CACNA1A: variants seen among roughly 807,000 people sequenced by gnomAD.
CACNA1A encodes calcium voltage-gated channel subunit alpha1 A.
Under a neutral mutation model 262.4 loss-of-function variants are expected in CACNA1A, and 57 were observed. The ratio of observed to expected loss-of-function variants is 0.22; its 90% CI spans 0.18 to 0.27. CACNA1A has a LOEUF of 0.27. Ranked by LOEUF, CACNA1A falls within the 10% of genes least tolerant of loss-of-function variation. The probability of loss-of-function intolerance (pLI) is 1.00; values close to 1 mark genes in which losing one functional copy is unlikely to be tolerated. For synonymous variants in CACNA1A, 1,431 were observed against 1,419.3 expected, an observed-to-expected ratio of 1.01 and a Z score of -0.18; for missense variants, 2,526 against 3,562.8, an observed-to-expected ratio of 0.71 and a Z score of 7.41.
At position 13,212,177 on chromosome 19, in the gene CACNA1A, C is replaced by A; in HGVS notation, c.6229G>T (p.Asp2077Tyr). The A allele has an allele frequency of 6.2e-7, 1 of 1,613,888 alleles. No individual in the cohort carries two copies. The change falls in exon 43 of 47, where the codon GAC (aspartate) becomes TAC (tyrosine). Residue 2077 changes from aspartate to tyrosine, a missense_variant. Around this residue, in one of 17 missense-constraint regions of CACNA1A, gnomAD observed 929 missense variants for 868.1 expected, o/e 1.07. Coordinates refer to ENST00000360228, the MANE Select transcript of CACNA1A (RefSeq NM_001127222.2). The surrounding 1 kb of genome is among the most constrained non-coding windows in gnomAD (Gnocchi z 5.6). ...MREMGRDGYS[D>Y]SEHYLPMEGQ... Reference sequence around the variant, plus strand: ...TCCATGGGGAGGTAGTGCTCGCTGTCGGAGTAGCCATCTCTGCCCATCTCT... The same window carrying A: ...TCCATGGGGAGGTAGTGCTCGCTGTAGGAGTAGCCATCTCTGCCCATCTCT...
chr19:13,393,825 T>G, intron 3 of CACNA1A, among the ~76,000 whole-genome samples: 1 of 100,558 alleles, frequency 9.9e-6, no homozygotes, highest in Non-Finnish European at 2.1e-5. Flanking sequence ...TCTCTCTCTC[T>G]CTCTCTCTCT....
At chr19:13,272,231 C>G (rs2057038653) in intron 24 of CACNA1A, 1 of 152,266 alleles carries the variant, frequency 6.6e-6, no homozygotes, top group African/African-American at 2.4e-5. Flanking sequence ...ACCCATTCCC[C>G]TGGGCACAGG....
chr19:13,430,586 C>G (rs1056247594), intron 3 of CACNA1A, among the ~76,000 whole-genome samples: 7 of 152,096 alleles, frequency 4.6e-5, no homozygotes, highest in African/African-American at 1.4e-4. Flanking sequence ...GGGCTTGATG[C>G]CCCTGGAAGA....
At chr19:13,415,965 C>T (rs989740729) in intron 3 of CACNA1A, among the ~76,000 whole-genome samples, 2 of 151,994 alleles carry the variant, frequency 1.3e-5, no homozygotes, top group African/African-American at 4.8e-5. Flanking sequence ...GGCCTCTGAG[C>T]GGTCCTCTCT....
chr19:13,395,620 G>GAAA (rs149394654), intron 3 of CACNA1A, among the ~76,000 whole-genome samples: 1 of 121,834 alleles, frequency 8.2e-6, no homozygotes, highest in African/African-American at 2.7e-5. Flanking sequence ...TCAAAAAAAA[G>GAAA]AAAAAAAAAA....
chr19:13,261,737 G>A (rs933806330), intron 25 of CACNA1A, 127 bp from the exon 26 acceptor site: 1 of 891,280 alleles, frequency 1.1e-6, no homozygotes, highest in Non-Finnish European at 1.7e-6. Context: ...CATAAGTCAA[G>A]TCACTAGGGT....
At chr19:13,279,841 C>A (rs929973437) in intron 22 of CACNA1A, among the ~76,000 whole-genome samples, 3 of 152,034 alleles carry the variant, frequency 2.0e-5, no homozygotes, top group Non-Finnish European at 4.4e-5. Flanking sequence ...CAGGGTCTCG[C>A]TCTGTCGCCA....
chr19:13,431,599 T>C (rs562594599), intron 3 of CACNA1A, among the ~76,000 whole-genome samples: 154 of 152,020 alleles, frequency 1.0e-3, no homozygotes, highest in Non-Finnish European at 1.8e-3. Flanking sequence ...CTCTTCACAA[T>C]AGCCAAGATG....
intron 19 of CACNA1A, among the ~76,000 whole-genome samples, chr19:13,295,955 T>C (rs1250971708): frequency 6.6e-6 from 1 of 152,222 alleles, no homozygotes; most frequent in Non-Finnish European, 1.5e-5. Flanking sequence ...GTGTTCAACA[T>C]TGTGGAACAT....
chr19:13,505,558 C>T (rs748397972), intron 1 of CACNA1A, among the ~76,000 whole-genome samples: 9 of 152,160 alleles, frequency 5.9e-5, no homozygotes, highest in African/African-American at 1.2e-4. Context: ...AGCGCCCAGG[C>T]CCGAGCCCGC....
chr19:13,279,828 A>G (rs540742555), intron 22 of CACNA1A, among the ~76,000 whole-genome samples: 1 of 151,630 alleles, frequency 6.6e-6, no homozygotes, highest in African/African-American at 2.4e-5. Context: ...TATATTTTGG[A>G]GACAGGGTCT....
At chr19:13,275,764 TG>T in intron 24 of CACNA1A, 85 bp downstream of exon 24, 1 of 926,528 alleles carries the variant, frequency 1.1e-6, no homozygotes, top group South Asian at 1.4e-5. Flanking sequence ...CCCTAGACCC[TG>T]AGAACATGTC....
At chr19:13,403,517 C>T (rs536789437) in intron 3 of CACNA1A, among the ~76,000 whole-genome samples, 20 of 152,184 alleles carry the variant, frequency 1.3e-4, no homozygotes, top group Admixed American at 2.0e-4. Context: ...TCAACAAACC[C>T]GGGACAAGTG....
At position 13,207,995 on chromosome 19, in the gene CACNA1A, C is replaced by A. The variant is rs1392375465; in HGVS notation, c.6839G>T (p.Arg2280Leu). ...CTGGGGGAGCTGGCGGCGGCCCCGCCGCGGAGTGCTGGTACCAGATGTTGA... is the reference window on the plus strand; with the variant it reads ...CTGGGGGAGCTGGCGGCGGCCCCGCAGCGGAGTGCTGGTACCAGATGTTGA... Reference protein sequence around the residue: ...APSTSGTSTPRRGRRQLPQTP... With the variant: ...APSTSGTSTPLRGRRQLPQTP... Residue 2280 changes from arginine to leucine, a missense_variant, in exon 47 of 47, where the codon CGG becomes CTG. By Grantham distance (102) the Arg-to-Leu change is moderately radical. Coordinates refer to ENST00000360228, the MANE Select transcript of CACNA1A (RefSeq NM_001127222.2). The surrounding 1 kb of genome is among the most constrained non-coding windows in gnomAD (Gnocchi z 5.7). 54 of 1,330,848 alleles carry A rather than the reference C, an allele frequency of 4.1e-5. No homozygotes were observed. The highest frequency in any genetic ancestry group is 4.5e-5 in the Non-Finnish European group (47 of 1,045,324). 82.4% of individuals were successfully genotyped at this position (1,330,848 alleles called of 1,614,324 possible). A position where few individuals can be genotyped will look rare whatever the true frequency, so the allele number is the denominator to read the frequency against.
At chr19:13,240,683 T>A (rs1283097133) in intron 31 of CACNA1A, among the ~76,000 whole-genome samples, 1 of 150,014 alleles carries the variant, frequency 6.7e-6, no homozygotes, top group African/African-American at 2.5e-5. Context: ...GTGTGCAGTG[T>A]CTGTGTGCAG....
chr19:13,492,685 T>C (rs914429796), intron 1 of CACNA1A, among the ~76,000 whole-genome samples: 1 of 152,010 alleles, frequency 6.6e-6, no homozygotes, highest in Non-Finnish European at 1.5e-5. Flanking sequence ...AGTTTAGGTA[T>C]ATCGGGGGGA....
chr19:13,433,659 C>T (rs1208192881), intron 3 of CACNA1A, among the ~76,000 whole-genome samples: 3 of 151,696 alleles, frequency 2.0e-5, no homozygotes, highest in African/African-American at 7.3e-5. Flanking sequence ...TGCAAAAAGC[C>T]CCAACCTCAG....
chr19:13,378,939 G>A (rs1360189949), intron 3 of CACNA1A, among the ~76,000 whole-genome samples: 2 of 149,722 alleles, frequency 1.3e-5, no homozygotes, highest in African/African-American at 4.9e-5. Flanking sequence ...AAACTGTTGG[G>A]ATTACAGGCA....
At chr19:13,216,951 T>G (rs975579583) in intron 38 of CACNA1A, among the ~76,000 whole-genome samples, 2 of 152,080 alleles carry the variant, frequency 1.3e-5, no homozygotes, top group Non-Finnish European at 2.9e-5. Context: ...CTGGTCAACA[T>G]GGTGAAACCA....
Sources: allele counts gnomAD v4.1 joint callset (sites outside exome capture counted in the v4.1 genomes callset), GRCh38; gene constraint gnomAD v4.1.1; regional missense constraint gnomAD v4.1.1; non-coding constraint Gnocchi (gnomAD v3.1); transcripts MANE v1.5; gene names NCBI Gene and HGNC (gene_info 2026-07-23, HGNC 2026-07-21).